The following PCMT1 variants were observed in gnomAD, a reference collection of about 807,000 sequenced individuals.
The protein encoded by PCMT1 is protein-L-isoaspartate(D-aspartate) O-methyltransferase.
PCMT1 carries 9 observed loss-of-function variants against 29.2 expected under a neutral mutation model. That is an observed-to-expected ratio of 0.31 (90% CI 0.19 to 0.54). PCMT1 has a LOEUF of 0.54. Among genes scored for constraint, PCMT1 ranks in the 20% least tolerant of loss-of-function variants. The pLI, the probability that PCMT1 is intolerant of heterozygous loss-of-function variation, is 0.95. For missense variants in PCMT1, 184 were observed against 282.2 expected, an observed-to-expected ratio of 0.65 and a Z score of 2.49; for synonymous variants, 98 against 97.5, an observed-to-expected ratio of 1.00 and a Z score of -0.03.
At chr6:149,765,487 A>G (rs1484626660) in intron 1 of PCMT1, among the ~76,000 whole-genome samples, 1 of 151,590 alleles carries the variant, frequency 6.6e-6, no homozygotes, top group Non-Finnish European at 1.5e-5. Flanking sequence ...TCCAAAATTT[A>G]TATTTTAAAA....
chr6:149,796,539 A>T, intron 6 of PCMT1, 39 bp downstream of exon 6: 2 of 1,398,790 alleles, frequency 1.4e-6, no homozygotes, highest in Non-Finnish European at 2.0e-6. Context: ...TTTTTATTCA[A>T]CTAAAACTCT....
chr6:149,772,132 AT>A, intron 2 of PCMT1: 1 of 456,600 alleles, frequency 2.2e-6, no homozygotes, highest in South Asian at 1.5e-5. Flanking sequence ...CTGCCATGCT[AT>A]CTTCTTTTGA....
chr6:149,793,526 C>T (rs772823510), intron 4 of PCMT1, 23 bp from the exon 5 acceptor site: 3 of 1,434,452 alleles, frequency 2.1e-6, no homozygotes, highest in Non-Finnish European at 1.8e-6. Flanking sequence ...CAATGAGCTA[C>T]TGAATTGTTT....
At chr6:149,774,960 G>A (rs1787500999) in intron 3 of PCMT1, among the ~76,000 whole-genome samples, 1 of 152,066 alleles carries the variant, frequency 6.6e-6, no homozygotes, top group Non-Finnish European at 1.5e-5. Context: ...GCCCGCCTCG[G>A]CCTCCCAAAG....
chr6:149,769,028 T>C (rs1787203177), intron 1 of PCMT1, among the ~76,000 whole-genome samples: 1 of 152,238 alleles, frequency 6.6e-6, no homozygotes, highest in African/African-American at 2.4e-5. Context: ...TTCCTGGTAA[T>C]ATGTTTACTC....
At chr6:149,808,881 C>T (rs1336301218) in intron 7 of PCMT1, among the ~76,000 whole-genome samples, 3 of 151,772 alleles carry the variant, frequency 2.0e-5, no homozygotes, top group Non-Finnish European at 4.4e-5. Flanking sequence ...CATGATCCGC[C>T]CGCCTTGGCC....
At chr6:149,776,009 A>C (rs1787549270) in intron 3 of PCMT1, among the ~76,000 whole-genome samples, 1 of 151,810 alleles carries the variant, frequency 6.6e-6, no homozygotes, top group African/African-American at 2.4e-5. Context: ...AAAATACAAA[A>C]TTAGCTGGGC....
At chr6:149,768,522 A>C (rs1787184530) in intron 1 of PCMT1, among the ~76,000 whole-genome samples, 1 of 128,410 alleles carries the variant, frequency 7.8e-6, no homozygotes, top group African/African-American at 3.0e-5. Flanking sequence ...CATGATCTTG[A>C]CTCACTGCAA....
intron 4 of PCMT1, among the ~76,000 whole-genome samples, chr6:149,793,310 TAAGA>T (rs949613015): frequency 4.6e-5 from 7 of 152,330 alleles, no homozygotes; most frequent in African/African-American, 1.4e-4. Flanking sequence ...AGATTTAATC[TAAGA>T]AAGATATAAT....
chr6:149,785,246 C>G (rs1273211297), intron 3 of PCMT1, among the ~76,000 whole-genome samples: 10 of 95,678 alleles, frequency 1.0e-4, no homozygotes, highest in Non-Finnish European at 1.8e-4. Flanking sequence ...TCCATAATGT[C>G]TGGTCATCCA....
intron 1 of PCMT1, among the ~76,000 whole-genome samples, chr6:149,760,995 T>TA (rs1762895642): frequency 6.6e-6 from 1 of 151,894 alleles, no homozygotes; most frequent in Non-Finnish European, 1.5e-5. Flanking sequence ...TCTATCACTA[T>TA]ATACTGGATT....
chr6:149,803,292 A>G (rs764966555), intron 7 of PCMT1, among the ~76,000 whole-genome samples: 3 of 152,020 alleles, frequency 2.0e-5, no homozygotes, highest in African/African-American at 4.8e-5. Context: ...CCTTCTCCCC[A>G]TTCTATAGAA....
chr6:149,756,034 T>C (rs968140062), intron 1 of PCMT1, among the ~76,000 whole-genome samples: 1 of 152,058 alleles, frequency 6.6e-6, no homozygotes, highest in East Asian at 1.9e-4. Context: ...GAGGCAAGGA[T>C]CCAACACCAA....
chr6:149,784,035 A>C (rs12111019), intron 3 of PCMT1, among the ~76,000 whole-genome samples: 34 of 152,196 alleles, frequency 2.2e-4, no homozygotes, highest in African/African-American at 8.0e-4. Context: ...GAACAGAGCA[A>C]AGTGGTAGGT....
intron 1 of PCMT1, among the ~76,000 whole-genome samples, chr6:149,754,072 A>T (rs1786428147): frequency 6.6e-6 from 1 of 152,236 alleles, no homozygotes; most frequent in Non-Finnish European, 1.5e-5. Context: ...ATGCTTTAGA[A>T]TAATGTTTTA....
In PCMT1 at chr6:149,786,534, C is replaced by T. The variant is rs1394627200; in HGVS notation, c.193-3420C>T. ...CTTCTCAGACGGGGCGGCTGCCGGG[C>T]GGAGGGGCTCCTCACTTCTCAGACG... On this transcript the variant is annotated intron_variant, in intron 3 of 7. Coordinates refer to ENST00000464889, the MANE Select transcript of PCMT1 (RefSeq NM_001360452.2). Among the ~76,000 whole-genome samples the T allele has an allele frequency of 6.7e-4, 76 of 112,900 alleles. 5 individuals carry two copies. Among genetic ancestry groups the T allele is most frequent in the African/African-American group, 3.3e-3 (67 of 20,106 alleles). 74.1% of individuals were successfully genotyped at this position (112,900 alleles called of 152,430 possible). A position where few individuals can be genotyped will look rare whatever the true frequency, so the allele number is the denominator to read the frequency against.
intron 1 of PCMT1, chr6:149,765,772 G>C: frequency 3.7e-6 from 1 of 268,774 alleles, no homozygotes; most frequent in Non-Finnish European, 7.1e-6. Flanking sequence ...TTTGAGACCA[G>C]CCTGACCAAC....
chr6:149,762,348 G>T (rs923807304), intron 1 of PCMT1, among the ~76,000 whole-genome samples: 2 of 151,516 alleles, frequency 1.3e-5, no homozygotes, highest in Admixed American at 6.6e-5. Flanking sequence ...GCGGCAAGCA[G>T]ATCGGGTATG....
intron 1 of PCMT1, among the ~76,000 whole-genome samples, chr6:149,750,793 ACTTT>A (rs1163580567): frequency 1.3e-5 from 2 of 151,982 alleles, no homozygotes; most frequent in Non-Finnish European, 1.5e-5. Context: ...GTGCTGTGTC[ACTTT>A]CTTTTTTTAA....
Sources: gnomAD v4.1 joint callset for allele counts (sites outside exome capture counted in the v4.1 genomes callset) on GRCh38, gnomAD v4.1.1 for gene constraint, MANE v1.5 for transcripts, NCBI Gene and HGNC (gene_info 2026-07-23, HGNC 2026-07-21) for gene names.